The following VASH1 variants were observed in gnomAD, a reference collection of about 807,000 sequenced individuals.
The protein encoded by VASH1 is tubulinyl-Tyr carboxypeptidase 1.
Under a neutral mutation model 35.0 loss-of-function variants are expected in VASH1, and 16 were observed. That is an observed-to-expected ratio of 0.46 (90% CI 0.31 to 0.70). VASH1 has a LOEUF of 0.70. VASH1 is among the 30% of genes least tolerant of loss of function. The pLI, the probability that VASH1 is intolerant of heterozygous loss-of-function variation, is 0.05. For missense variants in VASH1, 505 were observed against 510.7 expected (o/e 0.99, Z 0.11); for synonymous variants, 214 against 200.9 (o/e 1.07, Z -0.55).
At chr14:76,777,672 C>CT (rs1245142084) in intron 5 of VASH1, among the ~76,000 whole-genome samples, 1 of 152,218 alleles carries the variant, frequency 6.6e-6, no homozygotes, top group East Asian at 1.9e-4. Context: ...TTTACCTGGC[C>CT]TTTGTTGGGG....
Position 76,781,417 on chromosome 14 carries a change from T to TGA in VASH1, c.*2400_*2401dup, listed in dbSNP as rs1483364514. 1 of 152,280 alleles carries TGA rather than the reference T, an allele frequency of 6.6e-6. No individual in the cohort carries two copies. The highest frequency in any genetic ancestry group is 1.5e-5 in the Non-Finnish European group (1 of 68,114). The allele number at this position is 152,280 out of a possible 1,614,324, so 9.4% of individuals were successfully genotyped here. On this transcript the variant is annotated 3_prime_UTR_variant, in exon 7 of 7. Coordinates refer to ENST00000167106, the MANE Select transcript of VASH1 (RefSeq NM_014909.5). ...TGGCTCACCTTGGGAGGTGCCAGGC[T>TGA]GAAACTAGGTCCTTTCCGGGTCTGG...
Position 76,776,291 on chromosome 14 carries a change from GCCCTCGCCCCCTCCCTCGCCCCCT to G in VASH1, c.912+22_912+45del. 1 of 1,539,682 alleles carries G rather than the reference GCCCTCGCCCCCTCCCTCGCCCCCT, an allele frequency of 6.5e-7. No individual in the cohort carries two copies. The highest frequency in any genetic ancestry group is 8.7e-7 in the Non-Finnish European group (1 of 1,147,292). On this transcript the variant is annotated intron_variant, in intron 5 of 6. Coordinates refer to ENST00000167106, the MANE Select transcript of VASH1 (RefSeq NM_014909.5). The stretch of plus-strand genomic sequence containing the variant: ...GGCTCAAGGTCTGCCCGCCTTCCAC[GCCCTCGCCCCCTCCCTCGCCCCCT>G]CCCCCGCCCCAGCAGAGGCGATGTG...
intron 4 of VASH1, chr14:76,774,945 T>C (rs1893893318): frequency 6.6e-6 from 1 of 151,962 alleles, no homozygotes; most frequent in South Asian, 2.1e-4. Context: ...GTGTGTAGAG[T>C]TGTTAGGACA....
At chr14:76,778,885 C>A (rs1894020948) in intron 6 of VASH1, 61 bp from the exon 7 acceptor site, 1 of 1,557,770 alleles carries the variant, frequency 6.4e-7, no homozygotes, top group South Asian at 1.1e-5. Context: ...GCTGGCTCCC[C>A]AACTCCATCT....
At chr14:76,773,667 C>T (rs1893853605) in intron 4 of VASH1, 1 of 173,746 alleles carries the variant, frequency 5.8e-6, no homozygotes, top group South Asian at 2.0e-4. Context: ...CAAGGTTTTC[C>T]AGTCACACCC....
intron 4 of VASH1, 27 bp from the exon 5 acceptor site, chr14:76,775,865 C>A: frequency 6.5e-7 from 1 of 1,526,966 alleles, no homozygotes; most frequent in Non-Finnish European, 8.8e-7. Context: ...CTTCTCCTGG[C>A]TCTTTCCTTA....
At chr14:76,776,313 C>T (rs1235740624) in intron 5 of VASH1, 40 bp downstream of exon 5, 6 of 1,488,838 alleles carry the variant, frequency 4.0e-6, no homozygotes, top group Non-Finnish European at 4.5e-6. Context: ...TCCCTCGCCC[C>T]CTCCCCCGCC....
At position 76,762,267 on chromosome 14, in the gene VASH1, C is replaced by T. The variant is rs1224925662; in HGVS notation, c.-555C>T. 1.3e-5 allele frequency: 2 copies of T among 152,292 alleles called. No individual in the cohort carries two copies. Among genetic ancestry groups the T allele is most frequent in the Non-Finnish European group, 2.9e-5 (2 of 68,078 alleles). The allele number at this position is 152,292 out of a possible 1,614,324, so 9.4% of individuals were successfully genotyped here. The stretch of plus-strand genomic sequence containing the variant: ...AAATCGCCCCCCAGCGCCGCTCTCC[C>T]GCCCGGGGGTCTTGGTTCCGAGCTC... On this transcript the variant is annotated 5_prime_UTR_variant, in exon 1 of 7. Transcript: ENST00000167106.
In VASH1 at chr14:76,777,999, G is replaced by A. The variant is rs371219609; in HGVS notation, c.953G>A (p.Arg318Gln). The A allele has an allele frequency of 1.3e-5, 20 of 1,547,626 alleles. No homozygotes were observed. Among genetic ancestry groups the A allele is most frequent in the East Asian group, 2.6e-5 (1 of 38,800 alleles). ...GTGPPSPTKD[R>Q]KKDVSSPQRA... ...GGCCCTCCCTCTCCCACCAAGGACC[G>A]GAAGAAGGATGTTTCTTCCCCGCAG... The change falls in exon 6 of 7, where the codon CGG becomes CAG. Residue 318 changes from arginine to glutamine, a missense_variant. Arg to Gln is a conservative substitution (Grantham distance 43). Coordinates refer to ENST00000167106, the MANE Select transcript of VASH1 (RefSeq NM_014909.5).
chr14:76,777,440 CTG>C (rs1423774458), intron 5 of VASH1, among the ~76,000 whole-genome samples: 1 of 152,240 alleles, frequency 6.6e-6, no homozygotes, highest in Non-Finnish European at 1.5e-5. Context: ...AAACACTCAC[CTG>C]TGTTACTTGC....
Position 76,781,749 on chromosome 14 carries a change from A to G in VASH1, c.*2731A>G, listed in dbSNP as rs1894113200. ...CACAGGACATAGTGGTGCTTTTTAA[A>G]TTTATTTTTAACTGTTTCTCATATG... On this transcript the variant is annotated 3_prime_UTR_variant, in exon 7 of 7. Coordinates refer to ENST00000167106, the MANE Select transcript of VASH1 (RefSeq NM_014909.5). 6.6e-6 allele frequency: 1 copy of G among 152,586 alleles called. No homozygotes were observed. The highest frequency in any genetic ancestry group is 1.5e-5 in the Non-Finnish European group (1 of 68,110). 9.5% of individuals were successfully genotyped at this position (152,586 alleles called of 1,614,324 possible). A position where few individuals can be genotyped will look rare whatever the true frequency, so the allele number is the denominator to read the frequency against.
intron 1 of VASH1, among the ~76,000 whole-genome samples, chr14:76,768,037 A>G (rs1224505427): frequency 6.6e-6 from 1 of 152,130 alleles, no homozygotes; most frequent in Non-Finnish European, 1.5e-5. Context: ...CAAGCTCCTC[A>G]AGGTCACTGG....
Position 76,779,899 on chromosome 14 carries a change from G to A in VASH1, c.*881G>A. 3.7e-6 allele frequency: 1 copy of A among 268,010 alleles called. No homozygotes were observed. The highest frequency in any genetic ancestry group is 7.1e-6 in the Non-Finnish European group (1 of 141,352). The allele number at this position is 268,010 out of a possible 1,614,324, so 16.6% of individuals were successfully genotyped here. ...CAGTCCAGGAGCTGTGGCTGGACATGGGGTGATGGGGCGGGATGCTTGGGC... is the reference window on the plus strand; with the variant it reads ...CAGTCCAGGAGCTGTGGCTGGACATAGGGTGATGGGGCGGGATGCTTGGGC... On this transcript the variant is annotated 3_prime_UTR_variant, in exon 7 of 7. Coordinates refer to ENST00000167106, the MANE Select transcript of VASH1 (RefSeq NM_014909.5).
chr14:76,770,371 T>TCTC (rs10677860), intron 2 of VASH1, among the ~76,000 whole-genome samples: 65,704 of 102,984 alleles, frequency 0.64, 14,544 homozygotes, highest in East Asian at 0.67. Flanking sequence ...TCTAGATAGA[T>TCTC]CTGCTCTGTT....
At chr14:76,771,284 G>A (rs1213346210) in intron 3 of VASH1, 38 bp downstream of exon 3, 2 of 1,552,842 alleles carry the variant, frequency 1.3e-6, no homozygotes, top group Admixed American at 3.9e-5. Context: ...CCCAGGGCTG[G>A]CTTGGAGCTT....
At position 76,762,578 on chromosome 14, in the gene VASH1, C is replaced by T; in HGVS notation, c.-244C>T. The T allele has an allele frequency of 2.6e-6, 1 of 381,858 alleles. No homozygotes were observed. Among genetic ancestry groups the T allele is most frequent in the East Asian group, 3.9e-5 (1 of 25,320 alleles). 23.7% of individuals were successfully genotyped at this position (381,858 alleles called of 1,614,324 possible). A position where few individuals can be genotyped will look rare whatever the true frequency, so the allele number is the denominator to read the frequency against. On this transcript the variant is annotated 5_prime_UTR_variant, in exon 1 of 7. Transcript: ENST00000167106. ...CAAGTTGGGGTGTGTTCTCTTTATTCCGTTTTTCAAACAGAACAAGGCCTC... is the reference window on the plus strand; with the variant it reads ...CAAGTTGGGGTGTGTTCTCTTTATTTCGTTTTTCAAACAGAACAAGGCCTC...
At chr14:76,775,833 C>G in intron 4 of VASH1, 59 bp from the exon 5 acceptor site, 1 of 1,492,874 alleles carries the variant, frequency 6.7e-7, no homozygotes, top group Admixed American at 2.2e-5. Context: ...GTCCCAGTCC[C>G]TCCCGGTGTG....
chr14:76,779,166 C>A lies in VASH1; in HGVS notation c.*148C>A. 1 of 874,048 alleles carries A rather than the reference C, an allele frequency of 1.1e-6. No homozygotes were observed. The highest frequency in any genetic ancestry group is 1.8e-6 in the Non-Finnish European group (1 of 541,740). The allele number at this position is 874,048 out of a possible 1,614,324, so 54.1% of individuals were successfully genotyped here. The stretch of plus-strand genomic sequence containing the variant: ...GTGTGTTCCAGCTCAGCCCCCCAAG[C>A]TGCTCTCGCTCCCACTGAGCCAAGC... On this transcript the variant is annotated 3_prime_UTR_variant, in exon 7 of 7. Coordinates refer to ENST00000167106, the MANE Select transcript of VASH1 (RefSeq NM_014909.5).
rs773464387 is a variant in VASH1, at chr14:76,779,364, C to T, written c.*346C>T. The T allele has an allele frequency of 3.4e-5, 24 of 699,332 alleles. No individual in the cohort carries two copies. In the South Asian group the frequency reaches 3.6e-4, roughly 10 times the overall value. The allele number at this position is 699,332 out of a possible 1,614,324, so 43.3% of individuals were successfully genotyped here. ...GGCCAGGTGAGGGAAACTGCTGGTT[C>T]TGCTGGTGCCTCTGCCCCTGGCTTC... is the stretch of plus-strand genomic sequence containing the variant. On this transcript the variant is annotated 3_prime_UTR_variant, in exon 7 of 7. Coordinates refer to ENST00000167106, the MANE Select transcript of VASH1 (RefSeq NM_014909.5).
Sources: gnomAD v4.1 joint callset for allele counts (sites outside exome capture counted in the v4.1 genomes callset) on GRCh38, gnomAD v4.1.1 for gene constraint, MANE v1.5 for transcripts, NCBI Gene and HGNC (gene_info 2026-07-23, HGNC 2026-07-21) for gene names.